Variants in GSTO2 observed in about 807,000 individuals in gnomAD.
GSTO2 encodes glutathione S-transferase omega-2.
In GSTO2, 23 loss-of-function variants were observed where a neutral mutation model predicts 28.4. The observed-to-expected ratio is 0.81, with a 90% CI of 0.58 to 1.15. The LOEUF (loss-of-function observed/expected upper bound fraction) is 1.15. Among genes scored for constraint, GSTO2 ranks in the 50% most tolerant of loss-of-function variants. GSTO2 has a pLI of 0.00. For missense variants in GSTO2, 298 were observed against 297.8 expected, an observed-to-expected ratio of 1.00 and a Z score of 0.00; for synonymous variants, 109 against 111.0, an observed-to-expected ratio of 0.98 and a Z score of 0.11.
rs2013271036 is a variant in GSTO2 at position 104,301,936 on chromosome 10, AG to A, written c.*2654del. 6.6e-6 allele frequency: 1 copy of A among 152,248 alleles called. No individual in the cohort carries two copies. The highest frequency in any genetic ancestry group is 1.5e-5 in the Non-Finnish European group (1 of 68,054). 9.4% of individuals were successfully genotyped at this position (152,248 alleles called of 1,614,324 possible). On this transcript the variant is annotated 3_prime_UTR_variant, in exon 7 of 7. Coordinates refer to ENST00000338595, the MANE Select transcript of GSTO2 (RefSeq NM_183239.2). The stretch of plus-strand genomic sequence containing the variant: ...AGATTTAAAGGTGAGAGCCTGTATT[AG>A]GCCATTCTCATGGTGCTATAAAGAA...
intron 5 of GSTO2, among the ~76,000 whole-genome samples, chr10:104,282,022 G>C (rs1304611026): frequency 6.6e-6 from 1 of 151,918 alleles, no homozygotes; most frequent in African/African-American, 2.4e-5. Context: ...ATGCTAAAAG[G>C]CCTTTTCCAC....
chr10:104,290,506 A>G (rs1304671963), intron 5 of GSTO2, among the ~76,000 whole-genome samples: 1 of 148,370 alleles, frequency 6.7e-6, no homozygotes, highest in Admixed American at 6.7e-5. Context: ...CTCTGTCTCA[A>G]AAAAAAAAAA....
chr10:104,293,763 G>C (rs2012896730), intron 5 of GSTO2, among the ~76,000 whole-genome samples: 2 of 151,784 alleles, frequency 1.3e-5, no homozygotes, highest in African/African-American at 2.4e-5. Flanking sequence ...TGTAGAGACG[G>C]GGTTTCACCG....
chr10:104,278,181 C>T (rs2011762126), intron 4 of GSTO2, 65 bp downstream of exon 4: 12 of 1,303,940 alleles, frequency 9.2e-6, no homozygotes, highest in Non-Finnish European at 1.3e-5. Flanking sequence ...CAAACCTCAA[C>T]CCATTTTAAA....
intron 6 of GSTO2, among the ~76,000 whole-genome samples, chr10:104,297,937 T>C (rs2013121881): frequency 6.6e-6 from 1 of 152,168 alleles, no homozygotes; most frequent in Non-Finnish European, 1.5e-5. Context: ...CAGAGCCTGC[T>C]GTCCTCACCA....
At chr10:104,291,066 G>A (rs1290602897) in intron 5 of GSTO2, among the ~76,000 whole-genome samples, 1 of 152,160 alleles carries the variant, frequency 6.6e-6, no homozygotes, top group Non-Finnish European at 1.5e-5. Context: ...CTGCCCTGGA[G>A]TTGAGTACTT....
chr10:104,270,245 C>T (rs2135079400), intron 1 of GSTO2, among the ~76,000 whole-genome samples: 1 of 151,668 alleles, frequency 6.6e-6, no homozygotes, highest in Non-Finnish European at 1.5e-5. Flanking sequence ...GATCTCTTGA[C>T]CTCGTGATCC....
chr10:104,286,996 A>G (rs1273638113), intron 5 of GSTO2, among the ~76,000 whole-genome samples: 18 of 152,262 alleles, frequency 1.2e-4, no homozygotes, highest in African/African-American at 2.9e-4. Flanking sequence ...CTTTTCTGCT[A>G]TGTATATTTT....
At chr10:104,283,692 T>G (rs539019371) in intron 5 of GSTO2, among the ~76,000 whole-genome samples, 2 of 152,300 alleles carry the variant, frequency 1.3e-5, no homozygotes, top group South Asian at 4.1e-4. Context: ...ACATGACCAA[T>G]GTACTTGAAT....
chr10:104,275,059 C>A, intron 2 of GSTO2, 110 bp downstream of exon 2: 1 of 1,490,610 alleles, frequency 6.7e-7, no homozygotes, highest in South Asian at 1.3e-5. Context: ...CAGGAAGGGA[C>A]TTGGAGGGCT....
intron 1 of GSTO2, among the ~76,000 whole-genome samples, chr10:104,273,563 G>A (rs11191982): frequency 0.074 from 11,273 of 152,228 alleles, 1,394 homozygotes; most frequent in African/African-American, 0.26. Context: ...ACAGTACCCA[G>A]TTATAAGCTA....
intron 5 of GSTO2, among the ~76,000 whole-genome samples, chr10:104,286,441 C>T (rs1294217347): frequency 6.6e-6 from 1 of 152,150 alleles, no homozygotes; most frequent in Non-Finnish European, 1.5e-5. Flanking sequence ...AAATAATATT[C>T]CATGTGTGAA....
chr10:104,296,673 C>G (rs139669591), intron 5 of GSTO2: 13 of 150,950 alleles, frequency 8.6e-5, no homozygotes, highest in African/African-American at 3.2e-4. Context: ...TTTGAGGGGG[C>G]CTGTTAAATA....
Position 104,278,037 on chromosome 10 carries a change from C to T in GSTO2, c.287C>T (p.Ala96Val). 1 of 1,613,942 alleles carries T rather than the reference C, an allele frequency of 6.2e-7. No homozygotes were observed. Among genetic ancestry groups the T allele is most frequent in the Non-Finnish European group, 8.5e-7 (1 of 1,179,830 alleles). Reference sequence around the variant, plus strand: ...ATTGCTTGTGAGTACCTGGATGATGCTTATCCAGGAAGGAAGCTGTTTCCA... The same window carrying T: ...ATTGCTTGTGAGTACCTGGATGATGTTTATCCAGGAAGGAAGCTGTTTCCA... ...SVIACEYLDD[A>V]YPGRKLFPYD... is the part of the protein sequence containing the mutation. The change falls in exon 4 of 7, where the codon GCT becomes GTT. Residue 96 changes from alanine (A) to valine (V), a missense_variant. Transcript: ENST00000338595.
At chr10:104,275,525 C>T (rs2011592200) in intron 3 of GSTO2, among the ~76,000 whole-genome samples, 191 bp downstream of exon 3, 1 of 152,170 alleles carries the variant, frequency 6.6e-6, no homozygotes, top group Non-Finnish European at 1.5e-5. Context: ...GAGCCCTTTT[C>T]CGAGTCACGC....
chr10:104,278,589 T>C (rs7099030), intron 4 of GSTO2, among the ~76,000 whole-genome samples: 54,791 of 152,104 alleles, frequency 0.36, 10,211 homozygotes, highest in African/African-American at 0.44. Context: ...TTAAGCAATT[T>C]TCCTGCCTCA....
At chr10:104,299,013 G>T in intron 6 of GSTO2, 115 bp from the exon 7 acceptor site, 1 of 926,850 alleles carries the variant, frequency 1.1e-6, no homozygotes, top group Non-Finnish European at 1.6e-6. Context: ...AGATAACTAA[G>T]ATAACTTCCC....
chr10:104,291,319 G>C (rs2012754281), intron 5 of GSTO2: 1 of 152,242 alleles, frequency 6.6e-6, no homozygotes, highest in Non-Finnish European at 1.5e-5. Context: ...GGGATTTCTT[G>C]GCAATGGTGT....
At chr10:104,271,273 TTG>T (rs2011389815) in intron 1 of GSTO2, among the ~76,000 whole-genome samples, 1 of 152,242 alleles carries the variant, frequency 6.6e-6, no homozygotes, top group East Asian at 1.9e-4. Context: ...GAAATAAGTA[TTG>T]TGAGTTGAAC....
Sources: gnomAD v4.1 joint callset for allele counts (sites outside exome capture counted in the v4.1 genomes callset) on GRCh38, gnomAD v4.1.1 for gene constraint, MANE v1.5 for transcripts, NCBI Gene and HGNC (gene_info 2026-07-23, HGNC 2026-07-21) for gene names.